RBBP8: variants seen among roughly 807,000 people sequenced by gnomAD.
RBBP8 encodes the protein RB binding protein 8, endonuclease.
A neutral mutation model predicts 108.3 loss-of-function variants in RBBP8; 88 were observed. That is an observed-to-expected ratio of 0.81 (90% CI 0.68 to 0.97). The LOEUF (loss-of-function observed/expected upper bound fraction) is 0.97. RBBP8 is among the 50% of genes least tolerant of loss of function. RBBP8 has a pLI of 0.00. For synonymous variants in RBBP8, 332 were observed against 348.2 expected (o/e 0.95, Z 0.52); for missense variants, 1,023 against 1,049.0 (o/e 0.98, Z 0.34).
chr18:22,976,572 G>C (rs1231253884), intron 6 of RBBP8, among the ~76,000 whole-genome samples: 5 of 152,092 alleles, frequency 3.3e-5, no homozygotes, highest in Non-Finnish European at 5.9e-5. Context: ...TGATGCTTCA[G>C]ACTCCACTGG....
chr18:22,987,258 G>C lies in RBBP8; in HGVS notation c.710-1963G>C, dbSNP rs1218370060. ...GAAGGGGGAGGGAAGGAGGAAGGGA[G>C]GAGAGAGAAAAGTGCTAGAGGAGTG... On this transcript the variant is annotated intron_variant, in intron 8 of 18. Transcript: ENST00000327155. Among the ~76,000 whole-genome samples the C allele has an allele frequency of 2.0e-5, 3 of 152,088 alleles. No individual in the cohort carries two copies. The East Asian group carries it at 5.8e-4, about 29-fold the overall frequency.
intron 4 of RBBP8, among the ~76,000 whole-genome samples, chr18:22,964,373 G>GTTTTTTTTTTTTTTTTTTTT (rs71161350): frequency 1.4e-5 from 2 of 139,504 alleles, no homozygotes; most frequent in African/African-American, 2.6e-5. Context: ...GGAGACTTAG[G>GTTTTTTTTTTTTTTTTTTTT]TTTTTTTTTT....
intron 16 of RBBP8, among the ~76,000 whole-genome samples, chr18:23,007,848 G>A (rs1255589336): frequency 6.7e-6 from 1 of 149,570 alleles, no homozygotes; most frequent in African/African-American, 2.5e-5. Context: ...GTTTCGCTCT[G>A]GTTGCCCAGG....
intron 1 of RBBP8, among the ~76,000 whole-genome samples, chr18:22,914,595 T>A (rs909899912): frequency 6.6e-6 from 1 of 152,246 alleles, no homozygotes. Context: ...CACATATTAA[T>A]GATTTACATT....
At chr18:22,955,553 T>C (rs1317018152) in intron 4 of RBBP8, among the ~76,000 whole-genome samples, 3 of 151,824 alleles carry the variant, frequency 2.0e-5, no homozygotes, top group Non-Finnish European at 2.9e-5. Flanking sequence ...CAGGATCACA[T>C]AGTTAATACA....
chr18:23,008,896 C>T (rs1162924578), intron 16 of RBBP8, among the ~76,000 whole-genome samples: 1 of 150,730 alleles, frequency 6.6e-6, no homozygotes, highest in Non-Finnish European at 1.5e-5. Context: ...GCCTCAGCCT[C>T]CTGAGTAGCT....
intron 7 of RBBP8, among the ~76,000 whole-genome samples, chr18:22,984,027 G>T (rs549681406): frequency 6.6e-6 from 1 of 152,180 alleles, no homozygotes; most frequent in Non-Finnish European, 1.5e-5. Flanking sequence ...GTTGCAGTGA[G>T]CTGAGATCAT....
intron 3 of RBBP8, among the ~76,000 whole-genome samples, chr18:22,921,916 G>A (rs1331855881): frequency 1.3e-5 from 2 of 152,258 alleles, no homozygotes; most frequent in East Asian, 3.9e-4. Context: ...CACTAGTAAA[G>A]TTATAGTAAA....
chr18:22,990,214 G>C (rs577118338), intron 9 of RBBP8, among the ~76,000 whole-genome samples: 1 of 152,194 alleles, frequency 6.6e-6, no homozygotes, highest in Non-Finnish European at 1.5e-5. Flanking sequence ...GCTGCTTGAC[G>C]TGTGATCCAT....
chr18:22,965,628 C>A (rs1026725135), intron 4 of RBBP8, among the ~76,000 whole-genome samples: 4 of 152,228 alleles, frequency 2.6e-5, no homozygotes, highest in Non-Finnish European at 4.4e-5. Flanking sequence ...ACCAGACACT[C>A]TCTGTTTTAG....
rs370001664 is a variant in RBBP8, at chr18:22,968,856, G to A, written c.299G>A (p.Arg100Gln). 84 of 1,613,254 alleles carry A rather than the reference G, an allele frequency of 5.2e-5. No individual in the cohort carries two copies. Among genetic ancestry groups the A allele is most frequent in the Non-Finnish European group, 7.0e-5 (82 of 1,179,654 alleles). ...TGTGCAGTAACTGAAGAACATATGC[G>A]GAAAAAACAGCAAGAGTTTGAAAAT... ...DRCAVTEEHM[R>Q]KKQQEFENIR... Residue 100 changes from arginine (R) to glutamine (Q), a missense_variant, in exon 5 of 19, where the codon CGG (arginine) becomes CAG (glutamine). Arg to Gln is a conservative substitution (Grantham distance 43). Transcript: ENST00000327155.
chr18:22,958,308 G>C (rs1326795092), intron 4 of RBBP8, among the ~76,000 whole-genome samples: 1 of 152,178 alleles, frequency 6.6e-6, no homozygotes, highest in East Asian at 1.9e-4. Flanking sequence ...TGATGTCATG[G>C]CCTTTCTGCC....
intron 12 of RBBP8, among the ~76,000 whole-genome samples, 178 bp from the exon 13 acceptor site, chr18:22,996,196 G>T (rs1293035506): frequency 6.6e-6 from 1 of 152,068 alleles, no homozygotes; most frequent in Non-Finnish European, 1.5e-5. Context: ...ATCTTTAATT[G>T]GGATATTTGT....
At position 23,001,664 on chromosome 18, in the gene RBBP8, C is replaced by T; in HGVS notation, c.2222C>T (p.Ala741Val). ...CATGAAGAGTATGAATCCTGTTTGGCAGACAGTTTCTCCCAAGCAGCAGAT... is the reference window on the plus strand; with the variant it reads ...CATGAAGAGTATGAATCCTGTTTGGTAGACAGTTTCTCCCAAGCAGCAGAT... ...TTHEEYESCL[A>V]DSFSQAADEE... The change falls in exon 15 of 19, where the codon GCA (alanine) becomes GTA (valine). Residue 741 changes from alanine (A) to valine (V), a missense_variant. Ala to Val is a moderately conservative substitution (Grantham distance 64). Transcript: ENST00000327155. 4.3e-6 allele frequency: 7 copies of T among 1,614,054 alleles called. No individual in the cohort carries two copies. Among genetic ancestry groups the T allele is most frequent in the Non-Finnish European group, 5.9e-6 (7 of 1,179,980 alleles).
At chr18:22,967,383 A>T (rs1913704281) in intron 4 of RBBP8, among the ~76,000 whole-genome samples, 1 of 146,190 alleles carries the variant, frequency 6.8e-6, no homozygotes, top group South Asian at 2.2e-4. Flanking sequence ...AAAAAAAAAC[A>T]ATTATCTTCG....
chr18:22,971,387 T>G (rs1199633072), intron 5 of RBBP8, among the ~76,000 whole-genome samples: 1 of 152,184 alleles, frequency 6.6e-6, no homozygotes, highest in South Asian at 2.1e-4. Context: ...TTGTTTTTCT[T>G]TACATACTTT....
intron 3 of RBBP8, among the ~76,000 whole-genome samples, chr18:22,921,526 A>T (rs1380329164): frequency 6.6e-6 from 1 of 152,232 alleles, no homozygotes; most frequent in Non-Finnish European, 1.5e-5. Context: ...ACCTGGAGCA[A>T]GCAGGGCCCA....
chr18:23,022,291 A>G (rs1173145850), intron 18 of RBBP8, 21 bp downstream of exon 18: 1 of 1,589,752 alleles, frequency 6.3e-7, no homozygotes, highest in East Asian at 2.2e-5. Context: ...AGATTGTAAC[A>G]TTTTATAATT....
At chr18:23,024,131 C>T (rs971647281) in intron 18 of RBBP8, among the ~76,000 whole-genome samples, 2 of 150,934 alleles carry the variant, frequency 1.3e-5, no homozygotes, top group Non-Finnish European at 3.0e-5. Flanking sequence ...GTGATCCACC[C>T]GCCTCAGCCT....
Sources: gnomAD v4.1 joint callset for allele counts (sites outside exome capture counted in the v4.1 genomes callset) on GRCh38, gnomAD v4.1.1 for gene constraint, MANE v1.5 for transcripts, NCBI Gene and HGNC (gene_info 2026-07-23, HGNC 2026-07-21) for gene names.